Variants in E2F8 observed in about 807,000 individuals in gnomAD.
E2F8 encodes the protein transcription factor E2F8.
A neutral mutation model predicts 80.8 loss-of-function variants in E2F8; 35 were observed. The ratio of observed to expected loss-of-function variants is 0.43; its 90% CI spans 0.33 to 0.57. E2F8 has a LOEUF of 0.57. Ranked by LOEUF, E2F8 falls within the 20% of genes least tolerant of loss-of-function variation. The probability of loss-of-function intolerance (pLI) is 0.04; values close to 1 mark genes in which losing one functional copy is unlikely to be tolerated. For synonymous variants in E2F8, 386 were observed against 395.0 expected (o/e 0.98, Z 0.27); for missense variants, 975 against 1,056.2 (o/e 0.92, Z 1.07).
Position 19,225,465 on chromosome 11 carries a change from A to G in E2F8, c.2177T>C (p.Ile726Thr), listed in dbSNP as rs773275634. The change falls in exon 12 of 13, where the codon ATC (isoleucine) becomes ACC (threonine). Residue 726 changes from isoleucine (I) to threonine (T), a missense_variant. Coordinates refer to ENST00000250024, the MANE Select transcript of E2F8 (RefSeq NM_024680.4). ...PALASSHPVP[I>T]QNPSSAIVNF... ...TACAATGGCTGAGCTTGGGTTCTGG[A>G]TGGGAACAGGGTGGCTTGAAGCGAG... is the stretch of plus-strand genomic sequence containing the variant. The G allele has an allele frequency of 1.5e-5, 25 of 1,614,098 alleles. No homozygotes were observed. Among genetic ancestry groups the G allele is most frequent in the South Asian group, 1.5e-4 (14 of 91,086 alleles).
chr11:19,226,933 T>C (rs566760465), intron 10 of E2F8, among the ~76,000 whole-genome samples: 9 of 152,322 alleles, frequency 5.9e-5, no homozygotes, highest in Non-Finnish European at 1.3e-4. Flanking sequence ...AATAAAGTTA[T>C]ATTGCAACTA....
In E2F8 at chr11:19,230,281, G is replaced by A; in HGVS notation, c.1318C>T (p.Leu440Phe). 1.2e-6 allele frequency: 2 copies of A among 1,614,050 alleles called. No homozygotes were observed. Among genetic ancestry groups the A allele is most frequent in the Non-Finnish European group, 1.7e-6 (2 of 1,179,990 alleles). Residue 440 changes from leucine to phenylalanine, a missense_variant, in exon 9 of 13, where the codon CTC becomes TTC. Coordinates refer to ENST00000250024, the MANE Select transcript of E2F8 (RefSeq NM_024680.4). Reference sequence around the variant, plus strand: ...AACTGCATTTTACAAATAGCTGCGAGCTGAGCCATTTTACTTGGGAAGGGT... The same window carrying A: ...AACTGCATTTTACAAATAGCTGCGAACTGAGCCATTTTACTTGGGAAGGGT... ...SAPFPSKMAQ[L>F]AAICKMQLEE...
rs1851477771 is a variant in E2F8 at position 19,235,043 on chromosome 11, C to T, written c.467G>A (p.Arg156His). ...TAGGACGTTCACGATATCGTAAATG[C>T]GTCGACGTTCAACATCTACAAAGAA... is the stretch of plus-strand genomic sequence containing the variant. ...VAEELNVERR[R>H]IYDIVNVLES... Residue 156 changes from arginine (R) to histidine (H), a missense_variant, in exon 5 of 13, where the codon CGC becomes CAC. Physicochemically the swap from Arg to His is conservative, Grantham distance 29. Coordinates refer to ENST00000250024, the MANE Select transcript of E2F8 (RefSeq NM_024680.4). 2.5e-6 allele frequency: 4 copies of T among 1,604,786 alleles called. No homozygotes were observed. The highest frequency in any genetic ancestry group is 1.1e-5 in the South Asian group (1 of 89,798).
chr11:19,237,583 C>G, intron 3 of E2F8, 113 bp from the exon 4 acceptor site: 1 of 1,199,602 alleles, frequency 8.3e-7, no homozygotes, highest in Non-Finnish European at 1.2e-6. Context: ...GCTTCAACAG[C>G]TGCAAAGTCT....
chr11:19,234,145 T>TAAAAA (rs967973962), intron 6 of E2F8, among the ~76,000 whole-genome samples: 27 of 92,544 alleles, frequency 2.9e-4, no homozygotes, highest in Non-Finnish European at 4.3e-4. Context: ...AGACTCCGTC[T>TAAAAA]AAAAAAAAAA....
chr11:19,236,222 G>A (rs1049776106), intron 4 of E2F8, among the ~76,000 whole-genome samples: 1 of 152,126 alleles, frequency 6.6e-6, no homozygotes, highest in Non-Finnish European at 1.5e-5. Context: ...TGTCCTTACA[G>A]CTCCCTACCT....
At chr11:19,227,111 G>A (rs1159094874) in intron 10 of E2F8, among the ~76,000 whole-genome samples, 3 of 152,122 alleles carry the variant, frequency 2.0e-5, no homozygotes, top group Non-Finnish European at 4.4e-5. Context: ...TTATAAACTA[G>A]GGACCTCCTT....
chr11:19,225,307 G>A lies in E2F8; in HGVS notation c.2335C>T (p.Gln779Ter). 1 of 1,614,190 alleles carries A rather than the reference G, an allele frequency of 6.2e-7. No homozygotes were observed. The highest frequency in any genetic ancestry group is 8.5e-7 in the Non-Finnish European group (1 of 1,180,040). ...GAGTCATAGTTGGTGGCCCTTCCTT[G>A]CTGAGTGCCTGCATTTTCTGGTGCG... ...NVAPENAGTQ[Q>*]GRATNYDSPV... Residue 779 changes from glutamine (Q) to a stop codon, truncating the protein, a stop_gained, in exon 12 of 13, where the codon CAA (glutamine) becomes TAA (stop). Coordinates refer to ENST00000250024, the MANE Select transcript of E2F8 (RefSeq NM_024680.4). LOFTEE classifies it high-confidence loss of function.
chr11:19,239,764 A>T (rs1005186680), intron 2 of E2F8, among the ~76,000 whole-genome samples: 1 of 151,544 alleles, frequency 6.6e-6, no homozygotes, highest in Non-Finnish European at 1.5e-5. Flanking sequence ...ACATAAAGAG[A>T]GAAAAGGTAT....
intron 6 of E2F8, 32 bp from the exon 7 acceptor site, chr11:19,232,403 G>A (rs1264765539): frequency 6.4e-7 from 1 of 1,562,888 alleles, no homozygotes; most frequent in Non-Finnish European, 8.7e-7. Flanking sequence ...CCACTTAATG[G>A]AATAATGAAA....
chr11:19,225,309 T>C lies in E2F8; in HGVS notation c.2333A>G (p.Gln778Arg), dbSNP rs1851202814. 1 of 1,614,100 alleles carries C rather than the reference T, an allele frequency of 6.2e-7. No individual in the cohort carries two copies. The highest frequency in any genetic ancestry group is 8.5e-7 in the Non-Finnish European group (1 of 1,180,052). Reference protein sequence around the residue: ...VNVAPENAGTQQGRATNYDSP... With the variant: ...VNVAPENAGTRQGRATNYDSP... ...GTCATAGTTGGTGGCCCTTCCTTGC[T>C]GAGTGCCTGCATTTTCTGGTGCGAC... The change falls in exon 12 of 13, where the codon CAG (glutamine) becomes CGG (arginine). Residue 778 changes from glutamine to arginine, a missense_variant. Transcript: ENST00000250024.
At chr11:19,225,699 C>G in intron 11 of E2F8, 33 bp downstream of exon 11, 1 of 1,613,170 alleles carries the variant, frequency 6.2e-7, no homozygotes, top group Non-Finnish European at 8.5e-7. Context: ...TTGAGACCGG[C>G]CCACATCTGG....
rs564825788 is a variant in E2F8, at chr11:19,224,586, C to A, written c.*72G>T. On this transcript the variant is annotated 3_prime_UTR_variant, in exon 13 of 13. Coordinates refer to ENST00000250024, the MANE Select transcript of E2F8 (RefSeq NM_024680.4). ...ACAGTATTTTCAGAGAATGTGTTCT[C>A]CAAATCAGTCTGTGTACATTTTCTC... 12 of 1,505,628 alleles carry A rather than the reference C, an allele frequency of 8.0e-6. No individual in the cohort carries two copies. The South Asian group carries it at 1.5e-4, about 19-fold the overall frequency. 93.3% of individuals were successfully genotyped at this position (1,505,628 alleles called of 1,614,324 possible).
At chr11:19,227,879 G>C (rs1271747143) in intron 10 of E2F8, among the ~76,000 whole-genome samples, 1 of 152,170 alleles carries the variant, frequency 6.6e-6, no homozygotes, top group African/African-American at 2.4e-5. Context: ...CTTGAGCTCA[G>C]GAGTTCGAGA....
intron 10 of E2F8, among the ~76,000 whole-genome samples, chr11:19,226,968 A>G (rs767268927): frequency 3.3e-5 from 5 of 152,238 alleles, no homozygotes; most frequent in Non-Finnish European, 7.3e-5. Context: ...GTAGGGTTGC[A>G]TGTACCTCCC....
rs199864182 is a variant in E2F8, at chr11:19,237,298, T to C, written c.451+16A>G. 3.2e-3 allele frequency: 5,191 copies of C among 1,613,508 alleles called. 6 individuals are homozygous for C. Among genetic ancestry groups the C allele is most frequent in the South Asian group, 4.1e-3 (375 of 90,974 alleles). On this transcript the variant is annotated intron_variant, in intron 4 of 12. Transcript: ENST00000250024. ...TTTAATTATTAATTCTTTCAGTGAGTTCTTTGCATACTTACTAAGTTCCTC... is the reference window on the plus strand; with the variant it reads ...TTTAATTATTAATTCTTTCAGTGAGCTCTTTGCATACTTACTAAGTTCCTC...
chr11:19,241,655 C>T (rs952059391), upstream of E2F8: 19 of 152,540 alleles, frequency 1.2e-4, no homozygotes, highest in Non-Finnish European at 2.5e-4. The surrounding 1 kb of genome is among the most constrained non-coding windows in gnomAD (Gnocchi z 4.5). Context: ...GCCGATACCG[C>T]GGGCGGGGAG....
intron 6 of E2F8, among the ~76,000 whole-genome samples, chr11:19,234,053 C>T (rs1389250114): frequency 6.7e-6 from 1 of 148,208 alleles, no homozygotes; most frequent in Admixed American, 6.9e-5. Flanking sequence ...GAGACTGAGG[C>T]AGGAGAATTG....
At position 19,229,915 on chromosome 11, in the gene E2F8, G is replaced by T. The variant is rs761904015; in HGVS notation, c.1432C>A (p.Pro478Thr). 28 of 1,614,094 alleles carry T rather than the reference G, an allele frequency of 1.7e-5. No homozygotes were observed. Among genetic ancestry groups the T allele is most frequent in the Middle Eastern group, 1.7e-4 (1 of 6,054 alleles). The change falls in exon 10 of 13, where the codon CCA (proline) becomes ACA (threonine). Residue 478 changes from proline (P) to threonine (T), a missense_variant. Pro to Thr is a conservative substitution (Grantham distance 38, BLOSUM62 -1). Coordinates refer to ENST00000250024, the MANE Select transcript of E2F8 (RefSeq NM_024680.4). This position sits in a 1 kb window ranked among gnomAD's most constrained non-coding sequence, Gnocchi z 4.3. ...GTCAGCTCCATCTCAGCATTCACTG[G>T]GGGGTCCAGAGGGGCTACTGGTTTG... ...PCKPVAPLDPPVNAEMELTAP... is the reference protein window; with the variant it reads ...PCKPVAPLDPTVNAEMELTAP...
Sources: allele counts gnomAD v4.1 joint callset (sites outside exome capture counted in the v4.1 genomes callset), GRCh38; gene constraint gnomAD v4.1.1; non-coding constraint Gnocchi (gnomAD v3.1); transcripts MANE v1.5; gene names NCBI Gene and HGNC (gene_info 2026-07-23, HGNC 2026-07-21).